EPHA3: variants seen among roughly 807,000 people sequenced by gnomAD.
EPHA3 encodes the protein ephrin type-A receptor 3.
A neutral mutation model predicts 107.1 loss-of-function variants in EPHA3; 42 were observed. That is an observed-to-expected ratio of 0.39 (90% CI 0.31 to 0.51). The LOEUF (loss-of-function observed/expected upper bound fraction) is 0.51, where lower values mean the gene tolerates loss of function less well. Among genes scored for constraint, EPHA3 ranks in the 20% least tolerant of loss-of-function variants. The probability of loss-of-function intolerance (pLI) is 0.78; values close to 1 mark genes in which losing one functional copy is unlikely to be tolerated. For missense variants in EPHA3, 1,183 were observed against 1,211.2 expected, an observed-to-expected ratio of 0.98 and a Z score of 0.35; for synonymous variants, 461 against 424.8, an observed-to-expected ratio of 1.09 and a Z score of -1.05.
intron 1 of EPHA3, among the ~76,000 whole-genome samples, chr3:89,118,712 G>T (rs1202869970): frequency 1.3e-5 from 2 of 151,548 alleles, no homozygotes; most frequent in African/African-American, 2.4e-5. Context: ...ATAATTTATT[G>T]TCTGTTTATT....
At chr3:89,223,497 C>G (rs1248888134) in intron 3 of EPHA3, among the ~76,000 whole-genome samples, 1 of 152,130 alleles carries the variant, frequency 6.6e-6, no homozygotes, top group Non-Finnish European at 1.5e-5. Context: ...GCTGTAAACT[C>G]CAGATGAGGG....
intron 5 of EPHA3, among the ~76,000 whole-genome samples, chr3:89,392,282 T>TA (rs1225727942): frequency 6.6e-6 from 1 of 151,896 alleles, no homozygotes; most frequent in Non-Finnish European, 1.5e-5. Context: ...CTACTAAAAA[T>TA]ACGAAAATTA....
intron 5 of EPHA3, among the ~76,000 whole-genome samples, chr3:89,353,307 G>A (rs1707872222): frequency 6.6e-6 from 1 of 151,192 alleles, no homozygotes; most frequent in South Asian, 2.1e-4. Context: ...ATTTTTCAGC[G>A]CCAATGTAGC....
intron 3 of EPHA3, among the ~76,000 whole-genome samples, chr3:89,244,277 T>C (rs1704979222): frequency 6.6e-6 from 1 of 152,094 alleles, no homozygotes; most frequent in South Asian, 2.1e-4. Flanking sequence ...AAAATCTGAA[T>C]GAAAGTATCT....
At chr3:89,393,978 AG>A (rs34015076) in intron 5 of EPHA3, among the ~76,000 whole-genome samples, 69,952 of 151,872 alleles carry the variant, frequency 0.46, 17,261 homozygotes, top group African/African-American at 0.64. Context: ...ATTATTGAAT[AG>A]ATGAAGAATT....
intron 1 of EPHA3, among the ~76,000 whole-genome samples, chr3:89,113,761 T>C (rs991530653): frequency 7.2e-5 from 1 of 13,806 alleles, no homozygotes; most frequent in African/African-American, 6.2e-4. Context: ...CATTTCTTTG[T>C]TTCTCCTCAA....
intron 16 of EPHA3, among the ~76,000 whole-genome samples, chr3:89,478,530 G>A (rs1380190587): frequency 6.6e-6 from 1 of 152,210 alleles, no homozygotes; most frequent in Non-Finnish European, 1.5e-5. Context: ...TAGCTGTACA[G>A]CTGGTCTCAC....
chr3:89,298,553 T>C (rs1706415786), intron 3 of EPHA3, among the ~76,000 whole-genome samples: 1 of 152,202 alleles, frequency 6.6e-6, no homozygotes, highest in African/African-American at 2.4e-5. Flanking sequence ...ATTTTGTTTC[T>C]TATTTTTTGT....
At chr3:89,442,134 C>T (rs1354246512) in intron 13 of EPHA3, among the ~76,000 whole-genome samples, 1 of 149,768 alleles carries the variant, frequency 6.7e-6, no homozygotes, top group Admixed American at 6.7e-5. Flanking sequence ...AGGAAGTTAT[C>T]CTAAAAAAGA....
chr3:89,422,085 T>C (rs1709362961), intron 11 of EPHA3, among the ~76,000 whole-genome samples: 1 of 151,016 alleles, frequency 6.6e-6, no homozygotes, highest in Non-Finnish European at 1.5e-5. Flanking sequence ...GCCCTAGAAT[T>C]AGATTTTGAA....
intron 2 of EPHA3, among the ~76,000 whole-genome samples, chr3:89,195,235 C>A (rs1306095877): frequency 6.6e-6 from 1 of 152,012 alleles, no homozygotes; most frequent in African/African-American, 2.4e-5. Flanking sequence ...CATAAGTTCT[C>A]ACACCTGTTT....
intron 2 of EPHA3, 94 bp downstream of exon 2, chr3:89,127,367 T>C (rs1176867673): frequency 3.1e-6 from 3 of 964,394 alleles, no homozygotes; most frequent in Non-Finnish European, 4.8e-6. Flanking sequence ...AGAACTCTTG[T>C]ACTTCTGGTG....
intron 3 of EPHA3, among the ~76,000 whole-genome samples, chr3:89,310,777 G>A (rs954591258): frequency 4.5e-4 from 69 of 151,944 alleles, no homozygotes; most frequent in Non-Finnish European, 1.0e-4. Flanking sequence ...CTTGTCATCT[G>A]TTTAACTATA....
At chr3:89,380,255 T>C (rs890224716) in intron 5 of EPHA3, among the ~76,000 whole-genome samples, 3 of 152,142 alleles carry the variant, frequency 2.0e-5, no homozygotes, top group African/African-American at 7.2e-5. Context: ...ATAAGGACAG[T>C]TGTCATTTCT....
At chr3:89,367,576 A>C (rs1708208495) in intron 5 of EPHA3, among the ~76,000 whole-genome samples, 1 of 150,756 alleles carries the variant, frequency 6.6e-6, no homozygotes, top group South Asian at 2.1e-4. Flanking sequence ...AGAGGAGAAA[A>C]AAACAAAAAC....
chr3:89,426,918 T>G (rs1414398618), intron 11 of EPHA3, among the ~76,000 whole-genome samples: 1 of 151,864 alleles, frequency 6.6e-6, no homozygotes, highest in Non-Finnish European at 1.5e-5. Context: ...AGGCCAGGCA[T>G]CTAGAATCAA....
chr3:89,408,209 T>A, intron 9 of EPHA3, 78 bp downstream of exon 9: 1 of 1,383,200 alleles, frequency 7.2e-7, no homozygotes, highest in Admixed American at 1.8e-5. Flanking sequence ...TTGGTTAACT[T>A]CCTCCTGACA....
intron 10 of EPHA3, among the ~76,000 whole-genome samples, chr3:89,415,344 AAT>A (rs1352858475): frequency 4.0e-5 from 6 of 150,432 alleles, no homozygotes; most frequent in South Asian, 2.1e-4. Context: ...TCTTAAAAAA[AAT>A]ATGTTATTTA....
chr3:89,212,639 T>A (rs1348845773), intron 3 of EPHA3, among the ~76,000 whole-genome samples: 1 of 151,928 alleles, frequency 6.6e-6, no homozygotes, highest in Non-Finnish European at 1.5e-5. Context: ...AATTATGTTA[T>A]CTGTTTTGGT....
Sources: gnomAD v4.1 joint callset for allele counts (sites outside exome capture counted in the v4.1 genomes callset) on GRCh38, gnomAD v4.1.1 for gene constraint, MANE v1.5 for transcripts, NCBI Gene and HGNC (gene_info 2026-07-23, HGNC 2026-07-21) for gene names.